Variants in ZNF546 observed in about 807,000 individuals in gnomAD.
ZNF546 encodes zinc finger protein 546, also known as CTC-471F3.6.
In ZNF546, 60 loss-of-function variants were observed where a neutral mutation model predicts 76.2. The observed-to-expected ratio is 0.79, with a 90% CI of 0.64 to 0.98. ZNF546 has a LOEUF of 0.98. Among genes scored for constraint, ZNF546 ranks in the 50% least tolerant of loss-of-function variants. ZNF546 has a pLI of 0.00. For synonymous variants in ZNF546, 277 were observed against 328.1 expected (o/e 0.84, Z 1.68); for missense variants, 936 against 1,035.6 (o/e 0.90, Z 1.32).
At chr19:40,008,751 A>G (rs1971637469) in intron 6 of ZNF546, among the ~76,000 whole-genome samples, 186 bp downstream of exon 6, 1 of 152,100 alleles carries the variant, frequency 6.6e-6, no homozygotes, top group African/African-American at 2.4e-5. Flanking sequence ...ACTTTACCCA[A>G]TTTGCCATAC....
intron 4 of ZNF546, among the ~76,000 whole-genome samples, chr19:40,006,997 G>A (rs148567586): frequency 3.7e-4 from 57 of 152,336 alleles, no homozygotes; most frequent in African/African-American, 1.3e-3. Flanking sequence ...GAAGGGAAGA[G>A]AGGATGATGG....
At chr19:40,007,854 A>C (rs1318138098) in intron 5 of ZNF546, among the ~76,000 whole-genome samples, 1 of 152,176 alleles carries the variant, frequency 6.6e-6, no homozygotes, top group East Asian at 1.9e-4. Flanking sequence ...ACCCCATCCT[A>C]AAGGAGACAT....
intron 6 of ZNF546, among the ~76,000 whole-genome samples, chr19:40,011,563 T>A (rs907948888): frequency 2.0e-5 from 3 of 152,208 alleles, no homozygotes; most frequent in Non-Finnish European, 1.5e-5. Flanking sequence ...TACATTTGTA[T>A]ACCTATTGTA....
At chr19:40,004,090 T>G (rs1568384606) in intron 3 of ZNF546, among the ~76,000 whole-genome samples, 1 of 143,312 alleles carries the variant, frequency 7.0e-6, no homozygotes, top group Non-Finnish European at 1.5e-5. Flanking sequence ...TATAACTATA[T>G]TAATATATAA....
In ZNF546 at chr19:40,007,337, G is replaced by A. The variant is rs768603624; in HGVS notation, c.235G>A (p.Ala79Thr). 67 of 1,607,298 alleles carry A rather than the reference G, an allele frequency of 4.2e-5. No homozygotes were observed. Among genetic ancestry groups the A allele is most frequent in the Non-Finnish European group, 5.4e-5 (64 of 1,176,048 alleles). The change falls in exon 5 of 7, where the codon GCT becomes ACT. Residue 79 changes from alanine to threonine, a missense_variant. Ala to Thr is a moderately conservative substitution (Grantham distance 58). Coordinates refer to ENST00000347077, the MANE Select transcript of ZNF546 (RefSeq NM_178544.5). ...CCAAGAGGAGTGGGAGTGCCTGGAC[G>A]CTGTGCAGAGGGACTTGTACAAGGA... ...LSQEEWECLD[A>T]VQRDLYKDVM...
rs527420173 is a variant in ZNF546 at position 40,019,218 on chromosome 19, A to C, written c.*3437A>C. On this transcript the variant is annotated 3_prime_UTR_variant, in exon 7 of 7. Coordinates refer to ENST00000347077, the MANE Select transcript of ZNF546 (RefSeq NM_178544.5). Reference sequence around the variant, plus strand: ...CCAAACCTGTGCTCAGTGAAAAATCAGTAACCTGTTAATATATTCAGGAAA... The same window carrying C: ...CCAAACCTGTGCTCAGTGAAAAATCCGTAACCTGTTAATATATTCAGGAAA... 114 of 152,374 alleles carry C rather than the reference A, an allele frequency of 7.5e-4. 1 individual carries two copies. Among genetic ancestry groups the C allele is most frequent in the Non-Finnish European group, 1.5e-3 (101 of 68,038 alleles). 9.4% of individuals were successfully genotyped at this position (152,374 alleles called of 1,614,324 possible).
chr19:39,998,679 A>G lies in ZNF546; in HGVS notation c.84+269A>G, dbSNP rs1002979969. ...GCAGGGATTTTTTTCCAAGGAATCCATGAGTTGAGATTTATTTTTATACAG... is the reference window on the plus strand; with the variant it reads ...GCAGGGATTTTTTTCCAAGGAATCCGTGAGTTGAGATTTATTTTTATACAG... On this transcript the variant is annotated intron_variant, in intron 3 of 6. Coordinates refer to ENST00000347077, the MANE Select transcript of ZNF546 (RefSeq NM_178544.5). 1.5e-4 allele frequency: 64 copies of G among 420,264 alleles called. 1 individual carries two copies. Among genetic ancestry groups the G allele is most frequent in the East Asian group, 1.2e-4 (3 of 24,888 alleles). The allele number at this position is 420,264 out of a possible 1,614,324, so 26.0% of individuals were successfully genotyped here. A position where few individuals can be genotyped will look rare whatever the true frequency, so the allele number is the denominator to read the frequency against.
chr19:40,004,475 G>A (rs555696948), intron 3 of ZNF546, among the ~76,000 whole-genome samples: 4 of 151,998 alleles, frequency 2.6e-5, no homozygotes, highest in South Asian at 4.2e-4. Flanking sequence ...TGCCATGTTC[G>A]CCAGGCTGGT....
At chr19:39,998,506 C>T (rs1971484999) in intron 3 of ZNF546, 96 bp downstream of exon 3, 1 of 1,025,734 alleles carries the variant, frequency 9.7e-7, no homozygotes, top group African/African-American at 1.6e-5. Flanking sequence ...CTCCAATCTT[C>T]TCCAAAGACC....
Position 40,015,720 on chromosome 19 carries a change from G to A in ZNF546, c.2450G>A (p.Ser817Asn), listed in dbSNP as rs150085999. The change falls in exon 7 of 7, where the codon AGT becomes AAT. Residue 817 changes from serine (S) to asparagine (N), a missense_variant. By Grantham distance (46) the Ser-to-Asn change is conservative. Coordinates refer to ENST00000347077, the MANE Select transcript of ZNF546 (RefSeq NM_178544.5). ...GAATGTGGAAAAGCCTTTATTCGTA[G>A]TGATCAACTTACTTTACATCAGAGA... ...CKECGKAFIRSDQLTLHQRNH... is the reference protein window; with the variant it reads ...CKECGKAFIRNDQLTLHQRNH... 11 of 1,613,872 alleles carry A rather than the reference G, an allele frequency of 6.8e-6. No homozygotes were observed. The highest frequency in any genetic ancestry group is 9.3e-6 in the Non-Finnish European group (11 of 1,179,882).
chr19:39,998,429 T>C lies in ZNF546; in HGVS notation c.84+19T>C, dbSNP rs1971484118. ...TATAATGGTAGAGAAATGCATATCC[T>C]GGAGTCTAAAGTTAAAACTTTGTTT... is the stretch of plus-strand genomic sequence containing the variant. On this transcript the variant is annotated intron_variant, in intron 3 of 6. Transcript: ENST00000347077. The C allele has an allele frequency of 6.3e-7, 1 of 1,597,946 alleles. No individual in the cohort carries two copies. Among genetic ancestry groups the C allele is most frequent in the Non-Finnish European group, 8.6e-7 (1 of 1,165,178 alleles).
chr19:40,014,599 T>C lies in ZNF546; in HGVS notation c.1329T>C (p.Cys443=), dbSNP rs1168303711. ...ATACTGGTGAGAAACCCTATGAATGTAGAGAATGTGGAAAAGCCTTTCGTC... is the reference window on the plus strand; with the variant it reads ...ATACTGGTGAGAAACCCTATGAATGCAGAGAATGTGGAAAAGCCTTTCGTC... ...RIHTGEKPYE[C]RECGKAFRLQ... The change falls in exon 7 of 7, where the codon TGT becomes TGC. Residue 443 remains cysteine, a synonymous_variant. Transcript: ENST00000347077. 1 of 1,613,614 alleles carries C rather than the reference T, an allele frequency of 6.2e-7. No homozygotes were observed. Among genetic ancestry groups the C allele is most frequent in the Non-Finnish European group, 8.5e-7 (1 of 1,179,734 alleles).
intron 4 of ZNF546, 110 bp downstream of exon 4, chr19:40,006,292 G>GCTCCCTAGTTA (rs1971601512): frequency 4.4e-6 from 4 of 905,652 alleles, no homozygotes; most frequent in Non-Finnish European, 6.9e-6. Context: ...TGTGGAACCT[G>GCTCCCTAGTTA]CTCCCTAGTT....
rs1359060117 is a variant in ZNF546 at position 40,017,208 on chromosome 19, A to G, written c.*1427A>G. ...CTCTGAAAATTAATGTGAGAAAGAA[A>G]TCTCTAGATTTGATGGGTGTGAAGA... On this transcript the variant is annotated 3_prime_UTR_variant, in exon 7 of 7. Coordinates refer to ENST00000347077, the MANE Select transcript of ZNF546 (RefSeq NM_178544.5). 1.3e-5 allele frequency: 2 copies of G among 152,236 alleles called. No individual in the cohort carries two copies. The highest frequency in any genetic ancestry group is 2.9e-5 in the Non-Finnish European group (2 of 68,042). The allele number at this position is 152,236 out of a possible 1,614,324, so 9.4% of individuals were successfully genotyped here. A position where few individuals can be genotyped will look rare whatever the true frequency, so the allele number is the denominator to read the frequency against.
In ZNF546 at chr19:40,019,061, T is replaced by A. The variant is rs1971819773; in HGVS notation, c.*3280T>A. ...ATATTTCTTTTAATTTAGTAAACGATCTGTAGAGTAGTACTTTGGCATTTC... is the reference window on the plus strand; with the variant it reads ...ATATTTCTTTTAATTTAGTAAACGAACTGTAGAGTAGTACTTTGGCATTTC... On this transcript the variant is annotated 3_prime_UTR_variant, in exon 7 of 7. Coordinates refer to ENST00000347077, the MANE Select transcript of ZNF546 (RefSeq NM_178544.5). The A allele has an allele frequency of 6.6e-6, 1 of 152,194 alleles. No individual in the cohort carries two copies. Among genetic ancestry groups the A allele is most frequent in the Non-Finnish European group, 1.5e-5 (1 of 68,042 alleles). 9.4% of individuals were successfully genotyped at this position (152,194 alleles called of 1,614,324 possible).
At chr19:40,007,241 AT>A (rs770997743) in intron 4 of ZNF546, 32 bp from the exon 5 acceptor site, 357 of 1,444,972 alleles carry the variant, frequency 2.5e-4, no homozygotes, top group South Asian at 1.1e-3. Context: ...AATACATTTA[AT>A]TTTTTTTTAA....
chr19:40,006,228 A>T (rs1400358995), intron 4 of ZNF546, 46 bp downstream of exon 4: 1 of 1,540,540 alleles, frequency 6.5e-7, no homozygotes, highest in Non-Finnish European at 9.0e-7. Context: ...TTTTAAATTC[A>T]TGTGATCATT....
chr19:40,014,437 A>T lies in ZNF546; in HGVS notation c.1167A>T (p.Glu389Asp). 1 of 1,614,130 alleles carries T rather than the reference A, an allele frequency of 6.2e-7. No homozygotes were observed. The highest frequency in any genetic ancestry group is 1.1e-5 in the South Asian group (1 of 91,084). The change falls in exon 7 of 7, where the codon GAA becomes GAT. Residue 389 changes from glutamate to aspartate, a missense_variant. Coordinates refer to ENST00000347077, the MANE Select transcript of ZNF546 (RefSeq NM_178544.5). ...GTGTCAAACCCTATAAATGTAATGA[A>T]TGTGGGAAGGCCTTTAGTCATGGCT... ...HTGVKPYKCNECGKAFSHGSY... is the reference protein window; with the variant it reads ...HTGVKPYKCNDCGKAFSHGSY...
At chr19:40,005,817 G>A (rs234374) in intron 3 of ZNF546, among the ~76,000 whole-genome samples, 23,795 of 152,090 alleles carry the variant, frequency 0.16, 4,516 homozygotes, top group African/African-American at 0.45. Flanking sequence ...TCATCTGTTG[G>A]ATGGAGATAA....
Sources: allele counts gnomAD v4.1 joint callset (sites outside exome capture counted in the v4.1 genomes callset), GRCh38; gene constraint gnomAD v4.1.1; transcripts MANE v1.5; gene names NCBI Gene and HGNC (gene_info 2026-07-23, HGNC 2026-07-21).